RAP1GAP: variants seen among roughly 807,000 people sequenced by gnomAD.
The protein encoded by RAP1GAP is rap1 GTPase-activating protein 1.
A neutral mutation model predicts 87.2 loss-of-function variants in RAP1GAP; 35 were observed. The ratio of observed to expected loss-of-function variants is 0.40; its 90% CI spans 0.31 to 0.53. The LOEUF is 0.53. Among genes scored for constraint, RAP1GAP ranks in the 20% least tolerant of loss-of-function variants. The probability of loss-of-function intolerance (pLI) is 0.48; values close to 1 mark genes in which losing one functional copy is unlikely to be tolerated. For missense variants in RAP1GAP, 734 were observed against 898.9 expected (o/e 0.82, Z 2.35); for synonymous variants, 375 against 363.9 (o/e 1.03, Z -0.35).
chr1:21,663,882 G>C (rs565421431), intron 1 of RAP1GAP, among the ~76,000 whole-genome samples: 1 of 152,294 alleles, frequency 6.6e-6, no homozygotes, highest in South Asian at 2.1e-4. Context: ...CGTCTCAGGG[G>C]AGTCTGAGGA....
intron 24 of RAP1GAP, among the ~76,000 whole-genome samples, 198 bp from the exon 25 acceptor site, chr1:21,597,462 C>G (rs1645707684): frequency 6.6e-6 from 1 of 152,226 alleles, no homozygotes; most frequent in African/African-American, 2.4e-5. Flanking sequence ...ACTGCCAAGT[C>G]CCTTTCACAC....
chr1:21,645,483 A>C (rs2095958610), intron 2 of RAP1GAP, among the ~76,000 whole-genome samples: 1 of 152,080 alleles, frequency 6.6e-6, no homozygotes, highest in Non-Finnish European at 1.5e-5. Flanking sequence ...CTGTCTCAAA[A>C]AATAAAAATA....
rs1325264463 is a variant in RAP1GAP, at chr1:21,605,445, C to A, written c.1428+621G>T. Among the ~76,000 whole-genome samples, 3 of 152,218 alleles carry A rather than the reference C, an allele frequency of 2.0e-5. No individual in the cohort carries two copies. The East Asian group carries it at 5.8e-4, about 29-fold the overall frequency. On this transcript the variant is annotated intron_variant, in intron 18 of 24. Transcript: ENST00000374765. ...TATCACACACGATGTGCTCACATAG[C>A]AGTCCATTTTCTGACACACAGTAGG... is the stretch of plus-strand genomic sequence containing the variant.
intron 1 of RAP1GAP, among the ~76,000 whole-genome samples, chr1:21,658,534 C>G (rs1381577628): frequency 2.0e-5 from 3 of 151,920 alleles, no homozygotes; most frequent in African/African-American, 7.3e-5. Context: ...CAGCACTACA[C>G]TCTAGCCTGG....
At chr1:21,638,714 G>A (rs1013247493) in intron 2 of RAP1GAP, among the ~76,000 whole-genome samples, 3 of 152,224 alleles carry the variant, frequency 2.0e-5, no homozygotes, top group South Asian at 2.1e-4. Context: ...TGAACACTTA[G>A]TATTTGTGTA....
At position 21,596,570 on chromosome 1, in the gene RAP1GAP, G is replaced by A. The variant is rs1291071875; in HGVS notation, c.*729C>T. ...GTAGGCAGTGGACAGGGCATCGGCAGACCTGTGGCAGAACTGGAGGGTCCA... is the reference window on the plus strand; with the variant it reads ...GTAGGCAGTGGACAGGGCATCGGCAAACCTGTGGCAGAACTGGAGGGTCCA... On this transcript the variant is annotated 3_prime_UTR_variant, in exon 25 of 25. Transcript: ENST00000374765. 4 of 152,330 alleles carry A rather than the reference G, an allele frequency of 2.6e-5. No homozygotes were observed. Among genetic ancestry groups the A allele is most frequent in the African/African-American group, 7.2e-5 (3 of 41,464 alleles). 9.4% of individuals were successfully genotyped at this position (152,330 alleles called of 1,614,324 possible).
At chr1:21,629,428 T>C (rs948058659) in intron 2 of RAP1GAP, among the ~76,000 whole-genome samples, 3 of 152,154 alleles carry the variant, frequency 2.0e-5, no homozygotes, top group Non-Finnish European at 2.9e-5. Flanking sequence ...GGATTGCTCA[T>C]GTGGGTGCAG....
In RAP1GAP at chr1:21,622,383, CG is replaced by C; in HGVS notation, c.-18-2334del. On this transcript the variant is annotated intron_variant, in intron 3 of 24. Coordinates refer to ENST00000374765, the MANE Select transcript of RAP1GAP (RefSeq NM_002885.4). The surrounding 1 kb of genome is among the most constrained non-coding windows in gnomAD (Gnocchi z 5.7). The stretch of plus-strand genomic sequence containing the variant: ...GGCAGCGAGCCCCTCCGCGGACGGC[CG>C]GGTGGCACCGCGGGCCGCAGCTGTG... 1.2e-5 allele frequency: 5 copies of C among 430,216 alleles called. No homozygotes were observed. The highest frequency in any genetic ancestry group is 2.0e-5 in the Non-Finnish European group (5 of 244,624). The allele number at this position is 430,216 out of a possible 1,614,324, so 26.6% of individuals were successfully genotyped here.
chr1:21,619,902 C>T, intron 4 of RAP1GAP, 113 bp downstream of exon 4: 1 of 1,124,052 alleles, frequency 8.9e-7, no homozygotes, highest in South Asian at 1.3e-5. Flanking sequence ...CCATCTTCTA[C>T]TGGCGTGGCC....
intron 2 of RAP1GAP, among the ~76,000 whole-genome samples, chr1:21,636,435 C>G (rs986297313): frequency 7.9e-5 from 12 of 152,170 alleles, no homozygotes; most frequent in African/African-American, 2.7e-4. Flanking sequence ...TCTGTAGGTG[C>G]CTGAGGACTG....
chr1:21,639,640 T>G (rs2095310916), intron 2 of RAP1GAP, among the ~76,000 whole-genome samples: 1 of 152,076 alleles, frequency 6.6e-6, no homozygotes, highest in Non-Finnish European at 1.5e-5. Flanking sequence ...CTTGCACGTG[T>G]AGAGAAGAGT....
At chr1:21,635,294 T>C (rs1365809451) in intron 2 of RAP1GAP, among the ~76,000 whole-genome samples, 1 of 152,112 alleles carries the variant, frequency 6.6e-6, no homozygotes, top group Non-Finnish European at 1.5e-5. Flanking sequence ...CTCCCCAGCC[T>C]CCGCAGCCCA....
intron 2 of RAP1GAP, among the ~76,000 whole-genome samples, chr1:21,648,483 C>T (rs141355901): frequency 4.6e-5 from 7 of 152,160 alleles, no homozygotes; most frequent in South Asian, 2.1e-4. Flanking sequence ...TTCCCCACTC[C>T]GGGCTTCATT....
At position 21,599,604 on chromosome 1, in the gene RAP1GAP, C is replaced by T. The variant is rs139593866; in HGVS notation, c.1666G>A (p.Ala556Thr). 1.5e-4 allele frequency: 242 copies of T among 1,606,154 alleles called. No individual in the cohort carries two copies. In the African/African-American group the frequency reaches 2.8e-3, roughly 18 times the overall value. The change falls in exon 21 of 25, where the codon GCG becomes ACG. Residue 556 changes from alanine (A) to threonine (T), a missense_variant. Physicochemically the swap from Ala to Thr is moderately conservative, Grantham distance 58. Coordinates refer to ENST00000374765, the MANE Select transcript of RAP1GAP (RefSeq NM_002885.4). The stretch of plus-strand genomic sequence containing the variant: ...TCCTTGAGCGCCTCTGCTCTCTGCG[C>T]TGCGGTCTCCGCTCTGCCACAGACA... The part of the protein sequence containing the change: ...PTTKNRAETA[A>T]QRAEALKDFS...
chr1:21,640,401 G>T (rs1367526856), intron 2 of RAP1GAP, among the ~76,000 whole-genome samples: 1 of 152,172 alleles, frequency 6.6e-6, no homozygotes, highest in Non-Finnish European at 1.5e-5. Context: ...CTAGAAATGG[G>T]GTTTCTTCAG....
chr1:21,603,998 AGAG>A lies in RAP1GAP; in HGVS notation c.1429-1088_1429-1086del, dbSNP rs1398576334. On this transcript the variant is annotated intron_variant, in intron 18 of 24. Transcript: ENST00000374765. This position sits in a 1 kb window ranked among gnomAD's most constrained non-coding sequence, Gnocchi z 6.0. ...GAGAGATGGTGGGAGGGAGACACAG[AGAG>A]GAGGAGAGGCAGGGAAAGGAGGAAG... is the stretch of plus-strand genomic sequence containing the variant. 4 of 1,034,852 alleles carry A rather than the reference AGAG, an allele frequency of 3.9e-6. No individual in the cohort carries two copies. The highest frequency in any genetic ancestry group is 2.6e-5 in the East Asian group (1 of 38,000). The allele number at this position is 1,034,852 out of a possible 1,614,324, so 64.1% of individuals were successfully genotyped here.
chr1:21,653,700 C>G (rs1163498197), intron 1 of RAP1GAP, among the ~76,000 whole-genome samples: 1 of 151,828 alleles, frequency 6.6e-6, no homozygotes, highest in Admixed American at 6.6e-5. Context: ...CAGGGCCTCT[C>G]AGAGAGGTGG....
In RAP1GAP at chr1:21,617,584, C is replaced by T. The variant is rs2083080991; in HGVS notation, c.106-93G>A. ...AACTCAGACCTGGAGCCGCTTCTGT[C>T]GTGGCTAAGGGGTATGAGGGGACAG... On this transcript the variant is annotated intron_variant, in intron 6 of 24. Coordinates refer to ENST00000374765, the MANE Select transcript of RAP1GAP (RefSeq NM_002885.4). The T allele has an allele frequency of 5.7e-6, 8 of 1,397,312 alleles. No homozygotes were observed. In the Admixed American group the frequency reaches 6.4e-5, roughly 11 times the overall value. The allele number at this position is 1,397,312 out of a possible 1,614,324, so 86.6% of individuals were successfully genotyped here.
chr1:21,606,816 G>A (rs539655095), intron 17 of RAP1GAP, among the ~76,000 whole-genome samples: 3 of 152,218 alleles, frequency 2.0e-5, no homozygotes, highest in South Asian at 2.1e-4. Context: ...GGGTGAGCCC[G>A]GCATGCCAGG....
Sources: allele counts gnomAD v4.1 joint callset (sites outside exome capture counted in the v4.1 genomes callset), GRCh38; gene constraint gnomAD v4.1.1; non-coding constraint Gnocchi (gnomAD v3.1); transcripts MANE v1.5; gene names NCBI Gene and HGNC (gene_info 2026-07-23, HGNC 2026-07-21).